MANBAL: variants seen among roughly 807,000 people sequenced by gnomAD.
The protein encoded by MANBAL is mannosidase beta like, also known as protein MANBAL.
A neutral mutation model predicts 6.4 loss-of-function variants in MANBAL; 1 was observed. The observed-to-expected ratio is 0.16, with a 90% CI of 0.06 to 0.74. The LOEUF (loss-of-function observed/expected upper bound fraction) is 0.74, where lower values mean the gene tolerates loss of function less well. Among genes scored for constraint, MANBAL ranks in the 30% least tolerant of loss-of-function variants. MANBAL has a pLI of 0.78. For missense variants in MANBAL, 100 were observed against 107.8 expected (o/e 0.93, Z 0.32); for synonymous variants, 47 against 45.8 (o/e 1.03, Z -0.10).
intron 1 of MANBAL, among the ~76,000 whole-genome samples, chr20:37,293,919 A>G (rs1203520515): frequency 6.6e-6 from 1 of 152,162 alleles, no homozygotes; most frequent in African/African-American, 2.4e-5. Context: ...CACATTCTGC[A>G]TTCCATCCTG....
At chr20:37,313,698 CT>C (rs1237137429) in intron 2 of MANBAL, among the ~76,000 whole-genome samples, 1 of 152,154 alleles carries the variant, frequency 6.6e-6, no homozygotes, top group Non-Finnish European at 1.5e-5. Context: ...AGAGTGAGAC[CT>C]TGTCTTAAAA....
At chr20:37,291,196 T>C (rs1469960684) in intron 1 of MANBAL, among the ~76,000 whole-genome samples, 1 of 152,230 alleles carries the variant, frequency 6.6e-6, no homozygotes, top group African/African-American at 2.4e-5. Context: ...CCTTTTTGTT[T>C]TAGAATAATT....
At position 37,316,166 on chromosome 20, in the gene MANBAL, G is replaced by A. The variant is rs1026624172; in HGVS notation, c.151-142G>A. On this transcript the variant is annotated intron_variant, in intron 2 of 2. Transcript: ENST00000373606. ...GATGCTCCGGGGCAGTCCCACATCC[G>A]TGTGGGTGGTAGGTCCCGGGAATGA... The A allele has an allele frequency of 3.8e-5, 28 of 729,706 alleles. No homozygotes were observed. The African/African-American group carries it at 4.2e-4, about 11-fold the overall frequency. The allele number at this position is 729,706 out of a possible 1,614,324, so 45.2% of individuals were successfully genotyped here. A position where few individuals can be genotyped will look rare whatever the true frequency, so the allele number is the denominator to read the frequency against.
intron 2 of MANBAL, among the ~76,000 whole-genome samples, chr20:37,311,509 T>C (rs1327623707): frequency 6.6e-6 from 1 of 152,222 alleles, no homozygotes; most frequent in East Asian, 1.9e-4. Context: ...GAAACTTTTT[T>C]TGAGTTTTGC....
intron 2 of MANBAL, among the ~76,000 whole-genome samples, chr20:37,315,258 T>C (rs1256666251): frequency 6.6e-6 from 1 of 152,206 alleles, no homozygotes; most frequent in Non-Finnish European, 1.5e-5. Context: ...AAATAAACAC[T>C]GCCGGCCAGA....
chr20:37,293,110 G>A (rs2068910773), intron 1 of MANBAL, among the ~76,000 whole-genome samples: 1 of 152,220 alleles, frequency 6.6e-6, no homozygotes, highest in African/African-American at 2.4e-5. Flanking sequence ...TGGCACCAGG[G>A]ACCGGTTTCA....
At chr20:37,304,844 A>G (rs1308145380) in intron 2 of MANBAL, among the ~76,000 whole-genome samples, 3 of 152,200 alleles carry the variant, frequency 2.0e-5, no homozygotes, top group Admixed American at 2.0e-4. Context: ...CAAGGTCTCT[A>G]GCAGGAGGAG....
chr20:37,298,090 G>A (rs2069040453), intron 1 of MANBAL, among the ~76,000 whole-genome samples: 1 of 152,172 alleles, frequency 6.6e-6, no homozygotes, highest in African/African-American at 2.4e-5. Flanking sequence ...GGAGGCTGAG[G>A]CAGGAGGATC....
intron 1 of MANBAL, among the ~76,000 whole-genome samples, chr20:37,291,663 TC>T (rs1350103918): frequency 6.6e-6 from 1 of 152,032 alleles, no homozygotes; most frequent in African/African-American, 2.4e-5. Flanking sequence ...GCTCCCATAA[TC>T]CCCCCATGTT....
intron 2 of MANBAL, among the ~76,000 whole-genome samples, chr20:37,314,062 G>C (rs1023063585): frequency 2.0e-5 from 3 of 152,172 alleles, no homozygotes; most frequent in African/African-American, 7.2e-5. Context: ...AGTTCCTTTC[G>C]TGGGTGCATG....
intron 1 of MANBAL, among the ~76,000 whole-genome samples, chr20:37,290,139 G>A (rs1299696268): frequency 6.6e-6 from 1 of 152,224 alleles, no homozygotes; most frequent in Non-Finnish European, 1.5e-5. Context: ...AAACCGAGGT[G>A]GTGAATGTAA....
chr20:37,297,905 A>G (rs866219494), intron 1 of MANBAL, among the ~76,000 whole-genome samples: 1 of 152,142 alleles, frequency 6.6e-6, no homozygotes, highest in Non-Finnish European at 1.5e-5. Context: ...TCAGCCTCCC[A>G]AAGTGCTGGG....
chr20:37,289,903 G>T (rs898465790), intron 1 of MANBAL, among the ~76,000 whole-genome samples: 2 of 152,232 alleles, frequency 1.3e-5, no homozygotes, highest in African/African-American at 2.4e-5. Flanking sequence ...CTCGCCTGGG[G>T]CAGCCCTGCG....
intron 2 of MANBAL, among the ~76,000 whole-genome samples, chr20:37,306,347 T>C (rs2069258333): frequency 6.6e-6 from 1 of 152,228 alleles, no homozygotes; most frequent in African/African-American, 2.4e-5. Context: ...TGCTTATGAC[T>C]TCAGTATTTC....
chr20:37,300,975 T>C (rs1433073969), intron 1 of MANBAL, among the ~76,000 whole-genome samples: 2 of 152,018 alleles, frequency 1.3e-5, no homozygotes, highest in African/African-American at 4.8e-5. Flanking sequence ...AAACCCTGTC[T>C]CTACTAAAAA....
intron 1 of MANBAL, among the ~76,000 whole-genome samples, chr20:37,299,430 T>G (rs1464089613): frequency 6.6e-6 from 1 of 152,166 alleles, no homozygotes; most frequent in Non-Finnish European, 1.5e-5. Flanking sequence ...TACATTCTTA[T>G]TTTCATACTA....
rs770496294 is a variant in MANBAL, at chr20:37,302,289, G to C, written c.150+876G>C. The C allele has an allele frequency of 1.2e-5, 18 of 1,550,474 alleles. No homozygotes were observed. The East Asian group carries it at 4.4e-4, about 38-fold the overall frequency. On this transcript the variant is annotated intron_variant, in intron 2 of 2. Coordinates refer to ENST00000373606, the MANE Select transcript of MANBAL (RefSeq NM_001003897.2). Reference sequence around the variant, plus strand: ...TGTTTCCTGTCAACAGGAGTTCCATGTAGAGGCCTGATTCCATTCCAGTCA... The same window carrying C: ...TGTTTCCTGTCAACAGGAGTTCCATCTAGAGGCCTGATTCCATTCCAGTCA...
At chr20:37,297,703 C>T (rs541666633) in intron 1 of MANBAL, among the ~76,000 whole-genome samples, 41 of 151,032 alleles carry the variant, frequency 2.7e-4, no homozygotes, top group Non-Finnish European at 4.4e-4. Context: ...AGTGCAGTGG[C>T]GTGATCTCGG....
chr20:37,305,938 G>A (rs2069248871), intron 2 of MANBAL, among the ~76,000 whole-genome samples: 1 of 152,172 alleles, frequency 6.6e-6, no homozygotes, highest in African/African-American at 2.4e-5. Context: ...GCTGCTTAGA[G>A]GTTGTCCCTA....
Sources: allele counts gnomAD v4.1 joint callset (sites outside exome capture counted in the v4.1 genomes callset), GRCh38; gene constraint gnomAD v4.1.1; transcripts MANE v1.5; gene names NCBI Gene and HGNC (gene_info 2026-07-23, HGNC 2026-07-21).